The following KCNT2 variants were observed in gnomAD, a reference collection of about 807,000 sequenced individuals.
KCNT2 encodes potassium channel subfamily T member 2.
In KCNT2, 67 loss-of-function variants were observed where a neutral mutation model predicts 153.8. The observed-to-expected ratio is 0.44, with a 90% confidence interval of 0.36 to 0.53. The LOEUF (loss-of-function observed/expected upper bound fraction) is 0.53. KCNT2 is among the 20% of genes least tolerant of loss of function. KCNT2 has a pLI of 0.00. For synonymous variants in KCNT2, 500 were observed against 458.8 expected (o/e 1.09, Z -1.15); for missense variants, 975 against 1,354.8 (o/e 0.72, Z 4.40).
At chr1:196,285,810 A>C in intron 22 of KCNT2, 52 bp from the exon 23 acceptor site, 1 of 1,007,180 alleles carries the variant, frequency 9.9e-7, no homozygotes, top group Non-Finnish European at 1.6e-6. Flanking sequence ...CATTTTATGC[A>C]TTTCTGCCTC....
chr1:196,521,752 C>T (rs1653449188), intron 1 of KCNT2, among the ~76,000 whole-genome samples: 1 of 151,904 alleles, frequency 6.6e-6, no homozygotes, highest in South Asian at 2.1e-4. Context: ...GATGAGAACA[C>T]ATGGACACAA....
intron 26 of KCNT2, among the ~76,000 whole-genome samples, chr1:196,254,592 C>T (rs112522802): frequency 0.049 from 7,367 of 151,376 alleles, 279 homozygotes; most frequent in Non-Finnish European, 0.071. Context: ...TTGATTTATT[C>T]GTTAAAAAAT....
intron 23 of KCNT2, among the ~76,000 whole-genome samples, chr1:196,284,631 G>A (rs1186317794): frequency 6.6e-6 from 1 of 152,016 alleles, no homozygotes; most frequent in Non-Finnish European, 1.5e-5. Context: ...AAGTATGTGT[G>A]TTTGGTAACA....
intron 14 of KCNT2, among the ~76,000 whole-genome samples, chr1:196,347,815 C>A (rs1180375593): frequency 6.6e-6 from 1 of 152,144 alleles, no homozygotes; most frequent in Non-Finnish European, 1.5e-5. Flanking sequence ...CAATACTTTT[C>A]TCTCTACCTC....
intron 26 of KCNT2, among the ~76,000 whole-genome samples, chr1:196,252,532 T>G (rs1295147530): frequency 6.6e-6 from 1 of 151,762 alleles, no homozygotes; most frequent in Non-Finnish European, 1.5e-5. Context: ...CGTCAGTTTT[T>G]CCTTTCCTGT....
At chr1:196,420,587 CACACACAG>C (rs1442868845) in intron 12 of KCNT2, among the ~76,000 whole-genome samples, 7 of 151,888 alleles carry the variant, frequency 4.6e-5, no homozygotes, top group South Asian at 2.1e-4. Flanking sequence ...CATATCTCTG[CACACACAG>C]ACACACAGAC....
chr1:196,590,836 A>G (rs927379953), intron 1 of KCNT2, among the ~76,000 whole-genome samples: 6 of 152,144 alleles, frequency 3.9e-5, no homozygotes, highest in African/African-American at 1.4e-4. Context: ...TGTTGAAAAG[A>G]GATCTCAGGC....
intron 1 of KCNT2, among the ~76,000 whole-genome samples, chr1:196,522,662 A>G (rs777202917): frequency 2.6e-5 from 4 of 152,196 alleles, no homozygotes; most frequent in Non-Finnish European, 5.9e-5. Flanking sequence ...AAACGCACCA[A>G]TCAGTGCTCT....
intron 25 of KCNT2, among the ~76,000 whole-genome samples, chr1:196,264,479 T>C (rs1657336892): frequency 6.6e-6 from 1 of 152,114 alleles, no homozygotes; most frequent in South Asian, 2.1e-4. Context: ...ATAAATAGTC[T>C]GCCTCCATTT....
intron 1 of KCNT2, among the ~76,000 whole-genome samples, chr1:196,522,392 C>T (rs776622311): frequency 2.0e-5 from 3 of 152,140 alleles, no homozygotes; most frequent in Non-Finnish European, 2.9e-5. Context: ...AACAGATGTA[C>T]ATTTACCAAA....
chr1:196,239,091 G>A (rs2102248039), intron 26 of KCNT2, among the ~76,000 whole-genome samples: 1 of 151,872 alleles, frequency 6.6e-6, no homozygotes, highest in Non-Finnish European at 1.5e-5. Context: ...TTTGCTCCAA[G>A]AATGCCATAT....
At chr1:196,449,690 T>C (rs889856643) in intron 8 of KCNT2, among the ~76,000 whole-genome samples, 1 of 151,514 alleles carries the variant, frequency 6.6e-6, no homozygotes, top group African/African-American at 2.4e-5. Context: ...AATGTACTAA[T>C]AGGAAATCAT....
intron 18 of KCNT2, among the ~76,000 whole-genome samples, chr1:196,328,121 AAAGT>A (rs961724558): frequency 2.0e-5 from 3 of 152,182 alleles, no homozygotes; most frequent in African/African-American, 2.4e-5. Flanking sequence ...TAAAAGAAAG[AAAGT>A]ATTTAAAGCC....
intron 22 of KCNT2, among the ~76,000 whole-genome samples, chr1:196,294,193 CAAAA>C (rs1660467440): frequency 6.6e-6 from 1 of 152,122 alleles, no homozygotes; most frequent in African/African-American, 2.4e-5. Flanking sequence ...ATCAAAAAGA[CAAAA>C]TAAGTGTTAG....
chr1:196,274,655 T>A (rs1308846925), intron 25 of KCNT2, among the ~76,000 whole-genome samples: 1 of 151,880 alleles, frequency 6.6e-6, no homozygotes, highest in South Asian at 2.1e-4. Context: ...TATTCCACTA[T>A]GCACATTTTT....
At chr1:196,441,679 A>C (rs1675240125) in intron 8 of KCNT2, among the ~76,000 whole-genome samples, 1 of 151,758 alleles carries the variant, frequency 6.6e-6, no homozygotes, top group South Asian at 2.1e-4. Flanking sequence ...GCATCTGCTA[A>C]ACAATCTTTG....
chr1:196,452,051 C>T (rs1676257980), intron 8 of KCNT2, among the ~76,000 whole-genome samples: 1 of 151,884 alleles, frequency 6.6e-6, no homozygotes, highest in African/African-American at 2.4e-5. Flanking sequence ...AAACAATATC[C>T]TCTTAAGTTT....
chr1:196,456,592 C>G (rs1048267760), intron 8 of KCNT2, among the ~76,000 whole-genome samples: 1 of 151,796 alleles, frequency 6.6e-6, no homozygotes, highest in Non-Finnish European at 1.5e-5. Context: ...ATTTATGCCC[C>G]ATTGGGTCTT....
chr1:196,446,784 A>T (rs1675723185), intron 8 of KCNT2, among the ~76,000 whole-genome samples: 1 of 151,588 alleles, frequency 6.6e-6, no homozygotes, highest in Admixed American at 6.6e-5. Flanking sequence ...AACTAAGACA[A>T]ATGTTCCAAA....
Sources: gnomAD v4.1 joint callset for allele counts (sites outside exome capture counted in the v4.1 genomes callset) on GRCh38, gnomAD v4.1.1 for gene constraint, MANE v1.5 for transcripts, NCBI Gene and HGNC (gene_info 2026-07-23, HGNC 2026-07-21) for gene names.